The following PDIA4 variants were observed in gnomAD, a reference collection of about 807,000 sequenced individuals.
The protein encoded by PDIA4 is protein disulfide-isomerase A4.
Under a neutral mutation model 62.1 loss-of-function variants are expected in PDIA4, and 33 were observed. The ratio of observed to expected loss-of-function variants is 0.53; its 90% CI spans 0.40 to 0.71. The LOEUF is 0.71. Among genes scored for constraint, PDIA4 ranks in the 30% least tolerant of loss-of-function variants. The pLI is 0.00. For synonymous variants in PDIA4, 341 were observed against 324.1 expected (o/e 1.05, Z -0.56); for missense variants, 804 against 813.6 (o/e 0.99, Z 0.14).
intron 9 of PDIA4, among the ~76,000 whole-genome samples, chr7:149,004,703 G>A (rs777914713): frequency 9.2e-5 from 14 of 152,204 alleles, no homozygotes; most frequent in Non-Finnish European, 1.8e-4. Context: ...CACAAGGGGT[G>A]TTCAGCACAC....
intron 2 of PDIA4, among the ~76,000 whole-genome samples, chr7:149,020,356 G>A (rs1376608825): frequency 6.6e-6 from 1 of 152,200 alleles, no homozygotes; most frequent in African/African-American, 2.4e-5. Flanking sequence ...AAGTGAAACA[G>A]AAAGGGCATG....
At chr7:149,017,001 C>T (rs1486824815) in intron 3 of PDIA4, among the ~76,000 whole-genome samples, 1 of 152,182 alleles carries the variant, frequency 6.6e-6, no homozygotes, top group Non-Finnish European at 1.5e-5. Context: ...CTTAAAGGAG[C>T]AGAGGAGAGC....
chr7:149,012,569 A>G (rs1310046689), intron 4 of PDIA4, among the ~76,000 whole-genome samples: 2 of 151,992 alleles, frequency 1.3e-5, no homozygotes, highest in African/African-American at 2.4e-5. Context: ...GCATTCACAC[A>G]CTGGGGGTGG....
chr7:149,008,005 A>G (rs1823819706), intron 7 of PDIA4, among the ~76,000 whole-genome samples, 154 bp downstream of exon 7: 1 of 152,184 alleles, frequency 6.6e-6, no homozygotes, highest in Non-Finnish European at 1.5e-5. Context: ...GCCTGCAGAA[A>G]ACCTGTGGGG....
Position 149,025,250 on chromosome 7 carries a change from T to G in PDIA4, c.88+3071A>C, listed in dbSNP as rs927275075. Reference sequence around the variant, plus strand: ...AGTGGGGGACCCTCACCTGAGCAGGTTGCCTCAATCCCTGTCCACTCCCAC... The same window carrying G: ...AGTGGGGGACCCTCACCTGAGCAGGGTGCCTCAATCCCTGTCCACTCCCAC... On this transcript the variant is annotated intron_variant, in intron 1 of 9. Transcript: ENST00000652332. Among the ~76,000 whole-genome samples the G allele has an allele frequency of 7.9e-5, 12 of 152,070 alleles. No homozygotes were observed. The East Asian group carries it at 2.3e-3, about 29-fold the overall frequency.
chr7:149,023,885 T>C (rs1385544711), intron 1 of PDIA4, among the ~76,000 whole-genome samples: 1 of 152,190 alleles, frequency 6.6e-6, no homozygotes, highest in Non-Finnish European at 1.5e-5. Context: ...CATGATTAAG[T>C]GGGAGCTGAC....
At chr7:149,018,488 G>T (rs1033348679) in intron 3 of PDIA4, among the ~76,000 whole-genome samples, 12 of 152,022 alleles carry the variant, frequency 7.9e-5, no homozygotes, top group East Asian at 5.9e-4. Context: ...CTGGAGTGAA[G>T]TGGCACAATC....
chr7:149,027,109 G>T (rs1224170177), intron 1 of PDIA4, among the ~76,000 whole-genome samples: 2 of 152,186 alleles, frequency 1.3e-5, no homozygotes, highest in East Asian at 3.8e-4. Flanking sequence ...TGTGCCTCCC[G>T]AAGTTAATTC....
At position 149,003,569 on chromosome 7, in the gene PDIA4, G is replaced by A. The variant is rs552046181; in HGVS notation, c.*225C>T. 593 of 386,878 alleles carry A rather than the reference G, an allele frequency of 1.5e-3. 1 individual carries two copies. The highest frequency in any genetic ancestry group is 2.2e-3 in the Non-Finnish European group (486 of 220,918). 24.0% of individuals were successfully genotyped at this position (386,878 alleles called of 1,614,324 possible). Reference sequence around the variant, plus strand: ...AAAAATTTTTCAAACCCCAAATAATGATAAAAATAGATGTATCCTCTGTAA... The same window carrying A: ...AAAAATTTTTCAAACCCCAAATAATAATAAAAATAGATGTATCCTCTGTAA... On this transcript the variant is annotated 3_prime_UTR_variant, in exon 10 of 10. Coordinates refer to ENST00000652332, the MANE Select transcript of PDIA4 (RefSeq NM_004911.5).
chr7:149,005,077 G>T, intron 9 of PDIA4, 64 bp downstream of exon 9: 1 of 1,343,814 alleles, frequency 7.4e-7, no homozygotes, highest in Non-Finnish European at 1.1e-6. Context: ...CCCCTGGCCT[G>T]TCTGGATTCC....
chr7:149,020,800 GCA>G (rs1333635478), intron 2 of PDIA4, among the ~76,000 whole-genome samples, 165 bp downstream of exon 2: 3 of 152,168 alleles, frequency 2.0e-5, no homozygotes, highest in African/African-American at 7.2e-5. Flanking sequence ...GCCGTTCAAC[GCA>G]CAGTGGTAGA....
At chr7:149,027,743 T>C (rs1824607136) in intron 1 of PDIA4, 3 of 416,356 alleles carry the variant, frequency 7.2e-6, no homozygotes, top group African/African-American at 4.1e-5. Flanking sequence ...TGGCACACAG[T>C]AAATGCTAAA....
chr7:149,026,285 G>GT (rs773527966), intron 1 of PDIA4, among the ~76,000 whole-genome samples: 5 of 152,170 alleles, frequency 3.3e-5, no homozygotes, highest in Non-Finnish European at 5.9e-5. Flanking sequence ...AACACTGGGA[G>GT]TTTAAGGATG....
chr7:149,019,674 G>A (rs1447711053), intron 2 of PDIA4, among the ~76,000 whole-genome samples: 2 of 152,166 alleles, frequency 1.3e-5, no homozygotes, highest in African/African-American at 4.8e-5. Flanking sequence ...AGCTGGGCTT[G>A]GTGGCAGGCG....
chr7:149,027,992 T>A, intron 1 of PDIA4: 1 of 543,410 alleles, frequency 1.8e-6, no homozygotes, highest in Non-Finnish European at 3.6e-6. Context: ...CTGACGAAAA[T>A]CTGTAAATTA....
At chr7:149,023,943 C>A (rs1445062120) in intron 1 of PDIA4, among the ~76,000 whole-genome samples, 2 of 152,160 alleles carry the variant, frequency 1.3e-5, no homozygotes, top group African/African-American at 4.8e-5. Flanking sequence ...TCTTTCTTGA[C>A]CCTTTTAAAA....
At chr7:149,015,600 G>A (rs1485098786) in intron 3 of PDIA4, among the ~76,000 whole-genome samples, 2 of 152,060 alleles carry the variant, frequency 1.3e-5, no homozygotes, top group Non-Finnish European at 2.9e-5. Flanking sequence ...CCCATCTGTG[G>A]CCTCATTCTC....
At position 149,003,943 on chromosome 7, in the gene PDIA4, C is replaced by G; in HGVS notation, c.1789G>C (p.Val597Leu). The change falls in exon 10 of 10, where the codon GTG becomes CTG. Residue 597 changes from valine (V) to leucine (L), a missense_variant. Coordinates refer to ENST00000652332, the MANE Select transcript of PDIA4 (RefSeq NM_004911.5). Reference protein sequence around the residue: ...ANDVPSDRYKVEGFPTIYFAP... With the variant: ...ANDVPSDRYKLEGFPTIYFAP... ...AAGTAGATGGTGGGGAAGCCCTCCA[C>G]CTTATAGCGGTCGCTGGGGACGTCG... 6.2e-7 allele frequency: 1 copy of G among 1,613,768 alleles called. No individual in the cohort carries two copies. The highest frequency in any genetic ancestry group is 8.5e-7 in the Non-Finnish European group (1 of 1,179,724).
At chr7:149,026,823 C>T (rs569237801) in intron 1 of PDIA4, among the ~76,000 whole-genome samples, 307 of 149,992 alleles carry the variant, frequency 2.0e-3, no homozygotes, top group African/African-American at 7.3e-3. Flanking sequence ...AAAAACGGAG[C>T]TAGAAGTCCC....
Sources: allele counts gnomAD v4.1 joint callset (sites outside exome capture counted in the v4.1 genomes callset), GRCh38; gene constraint gnomAD v4.1.1; transcripts MANE v1.5; gene names NCBI Gene and HGNC (gene_info 2026-07-23, HGNC 2026-07-21).